Variants in MTA3 observed in about 807,000 individuals in gnomAD.
MTA3 encodes the protein metastasis-associated protein MTA3.
In MTA3, 34 loss-of-function variants were observed where a neutral mutation model predicts 83.5. The observed-to-expected ratio is 0.41, with a 90% confidence interval of 0.31 to 0.54. MTA3 has a LOEUF of 0.54. Ranked by LOEUF, MTA3 falls within the 20% of genes least tolerant of loss-of-function variation. The pLI, the probability that MTA3 is intolerant of heterozygous loss-of-function variation, is 0.33. For missense variants in MTA3, 761 were observed against 726.4 expected (o/e 1.05, Z -0.55); for synonymous variants, 303 against 252.7 (o/e 1.20, Z -1.89).
intron 8 of MTA3, among the ~76,000 whole-genome samples, chr2:42,660,349 A>C (rs1689570821): frequency 6.6e-6 from 1 of 152,042 alleles, no homozygotes; most frequent in Admixed American, 6.6e-5. Context: ...GGCCTTCCGA[A>C]GTGCTGGGAT....
chr2:42,615,603 C>A (rs1384275765), intron 4 of MTA3, among the ~76,000 whole-genome samples: 1 of 151,736 alleles, frequency 6.6e-6, no homozygotes, highest in African/African-American at 2.4e-5. Context: ...ATCCGCCCAC[C>A]TCGGCGTCCC....
At chr2:42,628,705 C>G (rs1465835702) in intron 4 of MTA3, among the ~76,000 whole-genome samples, 1 of 150,858 alleles carries the variant, frequency 6.6e-6, no homozygotes, top group African/African-American at 2.4e-5. Flanking sequence ...CCATACAATT[C>G]TGGGATTTAT....
chr2:42,516,108 G>A (rs1348311488), intron 2 of MTA3, among the ~76,000 whole-genome samples: 1 of 151,794 alleles, frequency 6.6e-6, no homozygotes, highest in Non-Finnish European at 1.5e-5. Context: ...GTAGAGACAG[G>A]GTTTCACCGT....
At position 42,592,628 on chromosome 2, in the gene MTA3, A is replaced by T. The variant is rs188431395; in HGVS notation, c.190+13428A>T. ...TTTTAAACTTTTTTTATTAACAATG[A>T]AAACATAAACATATATATTAGCTTA... On this transcript the variant is annotated intron_variant, in intron 3 of 16. Transcript: ENST00000405094. 9.2e-5 allele frequency among the ~76,000 whole-genome samples: 14 copies of T among 152,274 alleles called. No individual in the cohort carries two copies. The South Asian group carries it at 1.2e-3, about 14-fold the overall frequency.
chr2:42,594,744 T>TTTTTTTTTTTTA (rs1681548619), intron 3 of MTA3, among the ~76,000 whole-genome samples: 1 of 47,202 alleles, frequency 2.1e-5, no homozygotes, highest in Non-Finnish European at 3.9e-5. Flanking sequence ...TTTTTTTTTT[T>TTTTTTTTTTTTA]GAGACAGAGT....
chr2:42,704,730 C>T (rs1391101562), intron 12 of MTA3, among the ~76,000 whole-genome samples: 3 of 152,152 alleles, frequency 2.0e-5, no homozygotes, highest in African/African-American at 4.8e-5. Context: ...TGTGGATAAG[C>T]TGCTGTATAT....
At chr2:42,718,777 A>G (rs192650448) in intron 14 of MTA3, among the ~76,000 whole-genome samples, 1 of 152,206 alleles carries the variant, frequency 6.6e-6, no homozygotes, top group African/African-American at 2.4e-5. Flanking sequence ...TAATACTACT[A>G]CTAATAATTA....
At chr2:42,541,659 C>T (rs998557630) in intron 2 of MTA3, among the ~76,000 whole-genome samples, 1 of 152,140 alleles carries the variant, frequency 6.6e-6, no homozygotes, top group African/African-American at 2.4e-5. Flanking sequence ...CCAGTGGTAA[C>T]CCCATCATCA....
chr2:42,672,992 G>C (rs1398988747), intron 8 of MTA3, among the ~76,000 whole-genome samples: 2 of 151,786 alleles, frequency 1.3e-5, no homozygotes, highest in Non-Finnish European at 2.9e-5. Context: ...GATTACAGGT[G>C]CGCGCCATCA....
At chr2:42,536,858 C>A (rs1023149938) in intron 2 of MTA3, among the ~76,000 whole-genome samples, 764 of 83,928 alleles carry the variant, frequency 9.1e-3, no homozygotes, top group South Asian at 0.01. Flanking sequence ...GACCCCATCT[C>A]AAAAAAAAAA....
intron 4 of MTA3, among the ~76,000 whole-genome samples, chr2:42,633,840 G>A (rs1686926770): frequency 6.7e-6 from 1 of 150,198 alleles, no homozygotes; most frequent in South Asian, 2.1e-4. Context: ...AGTGAGCCGA[G>A]ACCGCGCCAC....
intron 4 of MTA3, among the ~76,000 whole-genome samples, chr2:42,637,376 T>C (rs1201540658): frequency 6.6e-6 from 1 of 152,344 alleles, no homozygotes; most frequent in East Asian, 1.9e-4. Context: ...GGTTCATTGC[T>C]TGAGACTCAG....
chr2:42,699,718 T>G (rs1447617874), intron 11 of MTA3, among the ~76,000 whole-genome samples: 1 of 152,170 alleles, frequency 6.6e-6, no homozygotes, highest in East Asian at 1.9e-4. Flanking sequence ...TCAGAAACTG[T>G]GGCAGAGAAT....
intron 3 of MTA3, among the ~76,000 whole-genome samples, chr2:42,591,773 C>A (rs950291897): frequency 1.4e-4 from 21 of 152,130 alleles, no homozygotes; most frequent in African/African-American, 5.1e-4. Context: ...GCCTCAGCCT[C>A]CCGAGTAGCT....
At chr2:42,607,948 C>G (rs1396511687) in intron 3 of MTA3, among the ~76,000 whole-genome samples, 1 of 151,960 alleles carries the variant, frequency 6.6e-6, no homozygotes, top group Non-Finnish European at 1.5e-5. Context: ...GAGACTCCGT[C>G]TAAAAAAAAG....
intron 14 of MTA3, among the ~76,000 whole-genome samples, chr2:42,716,398 G>T (rs1295395974): frequency 1.3e-5 from 2 of 152,124 alleles, no homozygotes; most frequent in Non-Finnish European, 2.9e-5. Flanking sequence ...TGTGTCAAGG[G>T]GGTTTGTTGT....
At chr2:42,629,507 A>C (rs1686464371) in intron 4 of MTA3, among the ~76,000 whole-genome samples, 1 of 152,186 alleles carries the variant, frequency 6.6e-6, no homozygotes, top group Admixed American at 6.5e-5. Flanking sequence ...ACAGCCAGTC[A>C]GTACTCTGAG....
intron 3 of MTA3, among the ~76,000 whole-genome samples, chr2:42,594,728 A>ATATATATTTTTTTTTTTTT: frequency 4.6e-4 from 11 of 24,042 alleles, no homozygotes; most frequent in African/African-American, 2.2e-3. Flanking sequence ...ATATATATAT[A>ATATATATTTTTTTTTTTTT]TTTTTTTTTT....
intron 11 of MTA3, chr2:42,703,959 G>T (rs889747806): frequency 2.7e-5 from 11 of 407,634 alleles, no homozygotes; most frequent in Non-Finnish European, 5.0e-5. Flanking sequence ...AGATGGGACA[G>T]TATTTACTTC....
Sources: allele counts gnomAD v4.1 joint callset (sites outside exome capture counted in the v4.1 genomes callset), GRCh38; gene constraint gnomAD v4.1.1; transcripts MANE v1.5; gene names NCBI Gene and HGNC (gene_info 2026-07-23, HGNC 2026-07-21).